COA1: variants seen among roughly 807,000 people sequenced by gnomAD.
COA1 encodes cytochrome c oxidase assembly factor 1, also known as cytochrome c oxidase assembly factor 1 homolog.
COA1 carries 13 observed loss-of-function variants against 16.0 expected under a neutral mutation model. The ratio of observed to expected loss-of-function variants is 0.81; its 90% CI spans 0.53 to 1.29. The LOEUF (loss-of-function observed/expected upper bound fraction) is 1.29. COA1 is among the 50% of genes most tolerant of loss of function. The pLI is 0.00. For missense variants in COA1, 179 were observed against 177.0 expected (o/e 1.01, Z -0.06); for synonymous variants, 65 against 65.7 (o/e 0.99, Z 0.05).
At chr7:43,637,985 C>T (rs1012252587), downstream of COA1, among the ~76,000 whole-genome samples, 17 of 152,166 alleles carry the variant, frequency 1.1e-4, no homozygotes, top group Admixed American at 9.8e-4. Context: ...GACAATAGGA[C>T]AGTGTGTAAC....
chr7:43,628,606 G>A (rs114817527), intron 6 of COA1, among the ~76,000 whole-genome samples: 312 of 152,250 alleles, frequency 2.0e-3, no homozygotes, highest in African/African-American at 6.6e-3. Flanking sequence ...CATCCTTGCC[G>A]ACAATTGGTA....
intron 2 of COA1, 63 bp downstream of exon 2, chr7:43,648,537 G>A (rs754673331): frequency 5.8e-6 from 9 of 1,560,544 alleles, no homozygotes; most frequent in Middle Eastern, 1.7e-4. Flanking sequence ...TTCTTCTATT[G>A]TCTAACTCGA....
At chr7:43,624,322 CATTTTCACAAA>C (rs1472214968) in intron 6 of COA1, among the ~76,000 whole-genome samples, 2 of 152,154 alleles carry the variant, frequency 1.3e-5, no homozygotes, top group Non-Finnish European at 2.9e-5. Context: ...AATATTTCAA[CATTTTCACAAA>C]ATTTTCAGCA....
At chr7:43,711,608 G>T (rs1307135494) in intron 1 of COA1, among the ~76,000 whole-genome samples, 2 of 152,148 alleles carry the variant, frequency 1.3e-5, no homozygotes, top group African/African-American at 4.8e-5. Flanking sequence ...TGTATAGTTA[G>T]GCAATTTCAT....
At chr7:43,649,150 T>A (rs2090215481) in intron 1 of COA1, 1 of 152,836 alleles carries the variant, frequency 6.5e-6, no homozygotes, top group African/African-American at 2.4e-5. Context: ...CTTGTACTAT[T>A]CTAAGCACTT....
intron 1 of COA1, among the ~76,000 whole-genome samples, chr7:43,689,533 A>T (rs2094181694): frequency 6.6e-6 from 1 of 152,236 alleles, no homozygotes; most frequent in Non-Finnish European, 1.5e-5. Flanking sequence ...AAATACCTTC[A>T]AAAAATGAAG....
chr7:43,678,342 A>C (rs1198247714), intron 1 of COA1, among the ~76,000 whole-genome samples: 1 of 152,230 alleles, frequency 6.6e-6, no homozygotes, highest in Non-Finnish European at 1.5e-5. Context: ...AAATGGATCA[A>C]ATACATAAAC....
chr7:43,635,689 A>G (rs899888370), downstream of COA1, among the ~76,000 whole-genome samples: 2 of 150,124 alleles, frequency 1.3e-5, no homozygotes, highest in African/African-American at 4.8e-5. Context: ...AAATAATACA[A>G]TATACCACTA....
intron 1 of COA1, among the ~76,000 whole-genome samples, chr7:43,692,355 CA>C (rs913625089): frequency 4.7e-4 from 72 of 152,124 alleles, no homozygotes; most frequent in Middle Eastern, 6.8e-3. Flanking sequence ...CATGTATCTA[CA>C]AAAAATACAA....
chr7:43,660,207 G>T (rs1341347069), intron 1 of COA1, among the ~76,000 whole-genome samples: 1 of 151,928 alleles, frequency 6.6e-6, no homozygotes, highest in African/African-American at 2.4e-5. Flanking sequence ...CTCATTCAAG[G>T]GCATGAATCT....
intron 1 of COA1, among the ~76,000 whole-genome samples, chr7:43,676,331 A>T (rs1034341787): frequency 2.0e-5 from 3 of 152,194 alleles, no homozygotes; most frequent in Non-Finnish European, 1.5e-5. Context: ...CACAATAGCC[A>T]AGATATGGAA....
chr7:43,633,567 ATAGAG>A (rs58483317), intron 6 of COA1, among the ~76,000 whole-genome samples: 12,922 of 152,170 alleles, frequency 0.085, 638 homozygotes, highest in East Asian at 0.18. Context: ...GCTCTCCATA[ATAGAG>A]TAATTTAAAA....
At chr7:43,614,543 G>T (rs1459582637) in intron 6 of COA1, among the ~76,000 whole-genome samples, 1 of 152,194 alleles carries the variant, frequency 6.6e-6, no homozygotes, top group African/African-American at 2.4e-5. Flanking sequence ...TTATAGTCCT[G>T]TAATTGTATA....
chr7:43,636,790 G>GACTT (rs544240159), downstream of COA1, among the ~76,000 whole-genome samples: 44 of 152,286 alleles, frequency 2.9e-4, no homozygotes, highest in East Asian at 6.4e-3. Flanking sequence ...TAAAATCTGT[G>GACTT]ACTTACTTGA....
At chr7:43,625,043 T>TA (rs2084353475) in intron 6 of COA1, 3 of 421,118 alleles carry the variant, frequency 7.1e-6, no homozygotes, top group Non-Finnish European at 1.3e-5. Context: ...CAGGTACAGT[T>TA]ACCCGTTTCA....
intron 1 of COA1, among the ~76,000 whole-genome samples, chr7:43,662,157 T>TA (rs1407373011): frequency 6.6e-6 from 1 of 152,236 alleles, no homozygotes; most frequent in Non-Finnish European, 1.5e-5. Flanking sequence ...AAAAGGCTAT[T>TA]AACATGAAAA....
intron 1 of COA1, among the ~76,000 whole-genome samples, chr7:43,690,704 AT>A (rs1396823154): frequency 3.9e-5 from 6 of 152,202 alleles, no homozygotes; most frequent in Non-Finnish European, 5.9e-5. Flanking sequence ...TTAAAAAAAA[AT>A]AATGTAAATT....
At chr7:43,708,173 C>T (rs2095071055) in intron 1 of COA1, among the ~76,000 whole-genome samples, 1 of 152,196 alleles carries the variant, frequency 6.6e-6, no homozygotes, top group African/African-American at 2.4e-5. Flanking sequence ...CACTGCACTT[C>T]AGCCTGGGCA....
chr7:43,705,917 G>A (rs2094953822), intron 1 of COA1, among the ~76,000 whole-genome samples: 1 of 152,118 alleles, frequency 6.6e-6, no homozygotes, highest in Non-Finnish European at 1.5e-5. Flanking sequence ...TGGCAACCCT[G>A]TGCAGGGTTT....
Sources: gnomAD v4.1 joint callset for allele counts (sites outside exome capture counted in the v4.1 genomes callset) on GRCh38, gnomAD v4.1.1 for gene constraint, MANE v1.5 for transcripts, NCBI Gene and HGNC (gene_info 2026-07-23, HGNC 2026-07-21) for gene names.